Variants in ZSCAN20 observed in about 807,000 individuals in gnomAD.
ZSCAN20 encodes the protein zinc finger and SCAN domain containing 20.
A neutral mutation model predicts 97.1 loss-of-function variants in ZSCAN20; 39 were observed. The observed-to-expected ratio is 0.40, with a 90% CI of 0.31 to 0.52. The LOEUF (loss-of-function observed/expected upper bound fraction) is 0.52, where lower values mean the gene tolerates loss of function less well. Ranked by LOEUF, ZSCAN20 falls within the 20% of genes least tolerant of loss-of-function variation. The pLI is 0.49. For synonymous variants in ZSCAN20, 456 were observed against 467.3 expected (o/e 0.98, Z 0.31); for missense variants, 1,115 against 1,290.4 (o/e 0.86, Z 2.08).
At position 33,497,419 on chromosome 1, in the gene ZSCAN20, G is replaced by T. The variant is rs1295516795; in HGVS notation, c.*1943G>T. Among the ~76,000 whole-genome samples the T allele has an allele frequency of 6.6e-6, 1 of 152,180 alleles. No homozygotes were observed. The highest frequency in any genetic ancestry group is 1.5e-5 in the Non-Finnish European group (1 of 68,044). ...AGGATCCTGAGGTGAGGGAGAGGGAGGGAATTCCAGGGAAAGGCACTGTTG... is the reference window on the plus strand; with the variant it reads ...AGGATCCTGAGGTGAGGGAGAGGGATGGAATTCCAGGGAAAGGCACTGTTG... On this transcript the variant is annotated 3_prime_UTR_variant, in exon 8 of 8. Coordinates refer to ENST00000684572, the MANE Select transcript of ZSCAN20 (RefSeq NM_001377376.1).
chr1:33,477,255 C>T (rs2148445976), intron 1 of ZSCAN20, among the ~76,000 whole-genome samples: 1 of 152,266 alleles, frequency 6.6e-6, no homozygotes, highest in Admixed American at 6.5e-5. Context: ...TAAGCCTCTT[C>T]CTAAGCATAT....
intron 2 of ZSCAN20, among the ~76,000 whole-genome samples, chr1:33,486,464 A>G (rs1253176271): frequency 6.6e-6 from 1 of 152,194 alleles, no homozygotes; most frequent in Non-Finnish European, 1.5e-5. Context: ...CTTCTCTGAC[A>G]GATCTAAGGA....
chr1:33,484,867 G>T (rs1006212835), intron 2 of ZSCAN20, among the ~76,000 whole-genome samples: 8 of 152,094 alleles, frequency 5.3e-5, no homozygotes, highest in Admixed American at 3.9e-4. Context: ...TGATCTGCCT[G>T]CCTTGGCCTC....
chr1:33,490,061 A>G lies in ZSCAN20; in HGVS notation c.766+459A>G, dbSNP rs139054967. 2.2e-4 allele frequency among the ~76,000 whole-genome samples: 34 copies of G among 152,318 alleles called. No individual in the cohort carries two copies. The East Asian group carries it at 3.7e-3, about 16-fold the overall frequency. ...GACTCCTTTCTATGTGGGCACTCCTATGTGGCAAGCCAAATAATAGGGAGC... is the reference window on the plus strand; with the variant it reads ...GACTCCTTTCTATGTGGGCACTCCTGTGTGGCAAGCCAAATAATAGGGAGC... On this transcript the variant is annotated intron_variant, in intron 5 of 7. Coordinates refer to ENST00000684572, the MANE Select transcript of ZSCAN20 (RefSeq NM_001377376.1).
At chr1:33,484,568 T>C (rs892204572) in intron 2 of ZSCAN20, among the ~76,000 whole-genome samples, 2 of 152,150 alleles carry the variant, frequency 1.3e-5, no homozygotes, top group African/African-American at 4.8e-5. Context: ...TAATTTCTTT[T>C]TTATACATTG....
rs1205962218 is a variant in ZSCAN20, at chr1:33,498,360, T to G, written c.*2884T>G. On this transcript the variant is annotated 3_prime_UTR_variant, in exon 8 of 8. Transcript: ENST00000684572. ...GCCATTCTTGTCTCATGAATCTTAA[T>G]AGAGGTTCAGTCATGAAAGCAAGGC... Among the ~76,000 whole-genome samples, 3 of 152,238 alleles carry G rather than the reference T, an allele frequency of 2.0e-5. No individual in the cohort carries two copies. Among genetic ancestry groups the G allele is most frequent in the Non-Finnish European group, 4.4e-5 (3 of 68,042 alleles).
intron 2 of ZSCAN20, among the ~76,000 whole-genome samples, chr1:33,488,148 T>C (rs1424180988): frequency 3.0e-4 from 45 of 152,202 alleles, no homozygotes; most frequent in Non-Finnish European, 1.2e-4. Context: ...AAGCAACCTA[T>C]TTTTGATGCT....
chr1:33,490,455 A>G (rs1260806075), intron 5 of ZSCAN20, among the ~76,000 whole-genome samples: 2 of 152,212 alleles, frequency 1.3e-5, no homozygotes, highest in Non-Finnish European at 2.9e-5. Flanking sequence ...TCACATTATT[A>G]GAAGTCCAGA....
At chr1:33,473,693 C>T (rs1651816415) in intron 1 of ZSCAN20, among the ~76,000 whole-genome samples, 1 of 152,150 alleles carries the variant, frequency 6.6e-6, no homozygotes, top group Non-Finnish European at 1.5e-5. Context: ...TCAACTCTTA[C>T]TTTGCTCAAT....
At chr1:33,486,642 A>G (rs1652377950) in intron 2 of ZSCAN20, among the ~76,000 whole-genome samples, 2 of 152,208 alleles carry the variant, frequency 1.3e-5, no homozygotes, top group South Asian at 4.1e-4. Flanking sequence ...ATTACCATCC[A>G]TGGAATCAGA....
In ZSCAN20 at chr1:33,500,953, T is replaced by C. The variant is rs1653048143; in HGVS notation, c.*5477T>C. ...GAGAAAGGAGTCTTCTCCTTCCACA[T>C]AGAACACACTTGGCTTCAGTGCTTT... is the stretch of plus-strand genomic sequence containing the variant. On this transcript the variant is annotated 3_prime_UTR_variant, in exon 8 of 8. Transcript: ENST00000684572. Among the ~76,000 whole-genome samples, 1 of 152,044 alleles carries C rather than the reference T, an allele frequency of 6.6e-6. No homozygotes were observed. Among genetic ancestry groups the C allele is most frequent in the Non-Finnish European group, 1.5e-5 (1 of 68,020 alleles).
rs760870897 is a variant in ZSCAN20, at chr1:33,489,509, A to G, written c.682-9A>G. The G allele has an allele frequency of 1.9e-6, 3 of 1,613,974 alleles. No homozygotes were observed. Among genetic ancestry groups the G allele is most frequent in the Non-Finnish European group, 2.5e-6 (3 of 1,179,942 alleles). ...GATGTTTGGGGTCCTTGTCTTGTGC[A>G]TCTCGCAGGAAGCCCTGGGCCCTGG... On this transcript the variant is annotated splice_polypyrimidine_tract_variant and intron_variant, in intron 4 of 7. Transcript: ENST00000684572.
intron 2 of ZSCAN20, among the ~76,000 whole-genome samples, chr1:33,480,036 AGCTG>A (rs1469290484): frequency 6.6e-6 from 1 of 152,202 alleles, no homozygotes; most frequent in Non-Finnish European, 1.5e-5. Flanking sequence ...CTAACTCTAA[AGCTG>A]GTATGCCTAA....
Position 33,498,811 on chromosome 1 carries a change from G to A in ZSCAN20, c.*3335G>A, listed in dbSNP as rs1652962002. ...ACCCTCCACCTCAAGAAGGGCATTG[G>A]CTCCTCTGAAGGGACAAAAAGGTAC... On this transcript the variant is annotated 3_prime_UTR_variant, in exon 8 of 8. Coordinates refer to ENST00000684572, the MANE Select transcript of ZSCAN20 (RefSeq NM_001377376.1). Among the ~76,000 whole-genome samples, 1 of 152,192 alleles carries A rather than the reference G, an allele frequency of 6.6e-6. No individual in the cohort carries two copies. The highest frequency in any genetic ancestry group is 1.5e-5 in the Non-Finnish European group (1 of 68,040).
Position 33,495,041 on chromosome 1 carries a change from A to G in ZSCAN20, c.2697A>G (p.Gly899=), listed in dbSNP as rs1388328918. Residue 899 remains glycine, a synonymous_variant, in exon 8 of 8, where the codon GGA becomes GGG. Coordinates refer to ENST00000684572, the MANE Select transcript of ZSCAN20 (RefSeq NM_001377376.1). ...ALISHQRIHT[G]EKPYECAECG... is the part of the protein sequence containing the mutation. ...TTAGTCACCAAAGAATCCATACGGGAGAGAAACCATATGAATGTGCCGAAT... is the reference window on the plus strand; with the variant it reads ...TTAGTCACCAAAGAATCCATACGGGGGAGAAACCATATGAATGTGCCGAAT... 2 of 1,613,454 alleles carry G rather than the reference A, an allele frequency of 1.2e-6. No homozygotes were observed. Among genetic ancestry groups the G allele is most frequent in the Non-Finnish European group, 1.7e-6 (2 of 1,179,528 alleles).
chr1:33,484,383 G>C (rs190844542), intron 2 of ZSCAN20, among the ~76,000 whole-genome samples: 2 of 152,188 alleles, frequency 1.3e-5, no homozygotes, highest in African/African-American at 4.8e-5. Context: ...AGTTTGCCAA[G>C]TTTTTATCAT....
At chr1:33,484,097 T>A (rs1456380128) in intron 2 of ZSCAN20, among the ~76,000 whole-genome samples, 1 of 152,250 alleles carries the variant, frequency 6.6e-6, no homozygotes, top group Non-Finnish European at 1.5e-5. Flanking sequence ...CCCAGAAGTT[T>A]TTTTTGTTGA....
At chr1:33,476,935 A>G (rs1342394751) in intron 1 of ZSCAN20, among the ~76,000 whole-genome samples, 1 of 152,202 alleles carries the variant, frequency 6.6e-6, no homozygotes, top group African/African-American at 2.4e-5. Context: ...AAACTTTTTA[A>G]TGGCCCTGCT....
intron 3 of ZSCAN20, 24 bp downstream of exon 3, chr1:33,488,675 G>T: frequency 6.3e-7 from 1 of 1,597,818 alleles, no homozygotes; most frequent in South Asian, 1.1e-5. Context: ...AGAACATTAG[G>T]GAATGAGGCC....
Sources: allele counts gnomAD v4.1 joint callset (sites outside exome capture counted in the v4.1 genomes callset), GRCh38; gene constraint gnomAD v4.1.1; transcripts MANE v1.5; gene names NCBI Gene and HGNC (gene_info 2026-07-23, HGNC 2026-07-21).